DCLK1: variants seen among roughly 807,000 people sequenced by gnomAD.
DCLK1 encodes serine/threonine-protein kinase DCLK1.
Under a neutral mutation model 86.2 loss-of-function variants are expected in DCLK1, and 16 were observed. The observed-to-expected ratio is 0.19, with a 90% CI of 0.13 to 0.28. The LOEUF is 0.28. Ranked by LOEUF, DCLK1 falls within the 10% of genes least tolerant of loss-of-function variation. The pLI is 1.00. For missense variants in DCLK1, 590 were observed against 940.2 expected (o/e 0.63, Z 4.87); for synonymous variants, 369 against 370.5 (o/e 1.00, Z 0.05).
intron 3 of DCLK1, among the ~76,000 whole-genome samples, chr13:36,065,690 T>A (rs988156052): frequency 3.9e-5 from 6 of 151,922 alleles, no homozygotes; most frequent in African/African-American, 7.2e-5. Flanking sequence ...TAAAATAAGG[T>A]CAGCTAGAGA....
At chr13:35,822,322 T>TAA (rs113385223) in intron 11 of DCLK1, among the ~76,000 whole-genome samples, 13 of 145,686 alleles carry the variant, frequency 8.9e-5, no homozygotes, top group South Asian at 2.2e-4. Flanking sequence ...TCCGGCTAAT[T>TAA]AAAAAAAATT....
At chr13:35,968,047 TA>T (rs574334200) in intron 3 of DCLK1, among the ~76,000 whole-genome samples, 40 of 145,852 alleles carry the variant, frequency 2.7e-4, no homozygotes, top group East Asian at 2.4e-3. Context: ...AAATAAAATT[TA>T]AAAAAAAAAA....
At chr13:36,120,263 A>G (rs998088916) in intron 2 of DCLK1, among the ~76,000 whole-genome samples, 2 of 152,214 alleles carry the variant, frequency 1.3e-5, no homozygotes, top group Non-Finnish European at 2.9e-5. Context: ...ACGGCAAAAA[A>G]CACAATAAAT....
At chr13:36,039,055 C>T (rs1882608389) in intron 3 of DCLK1, among the ~76,000 whole-genome samples, 1 of 152,162 alleles carries the variant, frequency 6.6e-6, no homozygotes, top group Admixed American at 6.5e-5. Flanking sequence ...AATGAAGAAT[C>T]CTATCAAATG....
intron 2 of DCLK1, among the ~76,000 whole-genome samples, chr13:36,120,977 T>C (rs904062596): frequency 6.6e-6 from 1 of 152,214 alleles, no homozygotes; most frequent in African/African-American, 2.4e-5. Context: ...ACTTTAATGC[T>C]TGTACCTCTC....
chr13:36,067,320 C>A (rs1262282106), intron 3 of DCLK1, among the ~76,000 whole-genome samples: 4 of 148,358 alleles, frequency 2.7e-5, no homozygotes, highest in Non-Finnish European at 4.5e-5. Flanking sequence ...AAAAAACCAA[C>A]CACCACATGT....
chr13:36,128,648 T>C (rs1291742550), intron 1 of DCLK1, among the ~76,000 whole-genome samples: 2 of 152,184 alleles, frequency 1.3e-5, no homozygotes, highest in Non-Finnish European at 2.9e-5. Flanking sequence ...GATTTAAACC[T>C]GGAGTGTTAA....
chr13:36,123,662 G>C (rs149301321), intron 2 of DCLK1, among the ~76,000 whole-genome samples: 1 of 152,308 alleles, frequency 6.6e-6, no homozygotes, highest in African/African-American at 2.4e-5. Flanking sequence ...TAACCACACT[G>C]TACCTTCCTT....
intron 4 of DCLK1, among the ~76,000 whole-genome samples, chr13:35,911,210 C>T (rs891328486): frequency 4.0e-5 from 6 of 150,480 alleles, no homozygotes; most frequent in African/African-American, 1.5e-4. Flanking sequence ...AGGAGAATGG[C>T]GTGAACCCCG....
intron 3 of DCLK1, among the ~76,000 whole-genome samples, chr13:36,007,483 G>A (rs534953125): frequency 9.3e-4 from 142 of 152,288 alleles, no homozygotes; most frequent in African/African-American, 3.3e-3. Flanking sequence ...TTCCCTTGGA[G>A]AATCCTCAAA....
chr13:35,838,065 C>CAAAAAAAAAAAAAAAAAAA (rs748395648), intron 7 of DCLK1, among the ~76,000 whole-genome samples: 18 of 100,318 alleles, frequency 1.8e-4, no homozygotes, highest in East Asian at 5.6e-4. Context: ...GACTCCATCT[C>CAAAAAAAAAAAAAAAAAAA]AAAAAAAAAA....
At chr13:36,069,289 T>A (rs1205522604) in intron 3 of DCLK1, among the ~76,000 whole-genome samples, 1 of 152,152 alleles carries the variant, frequency 6.6e-6, no homozygotes, top group East Asian at 1.9e-4. Context: ...ACAGTCCTCT[T>A]CCTGAATCCA....
intron 16 of DCLK1, chr13:35,787,718 T>A (rs2086648640): frequency 6.3e-6 from 1 of 158,740 alleles, no homozygotes; most frequent in Admixed American, 6.5e-5. Flanking sequence ...ACACAATGCA[T>A]TCTATAGCCC....
chr13:35,855,473 C>CTT, intron 5 of DCLK1: 1 of 1,578,372 alleles, frequency 6.3e-7, no homozygotes. Flanking sequence ...AAAATAAATG[C>CTT]TTTCCACAAG....
intron 3 of DCLK1, among the ~76,000 whole-genome samples, chr13:36,092,918 C>T (rs1418544262): frequency 2.0e-5 from 3 of 150,970 alleles, no homozygotes; most frequent in Admixed American, 6.6e-5. Context: ...CCAGGCTGCA[C>T]AAAATAGGTA....
Position 35,771,611 on chromosome 13 carries a change from G to A in DCLK1, c.*2924C>T, listed in dbSNP as rs938713924. 6.6e-6 allele frequency: 1 copy of A among 152,058 alleles called. No homozygotes were observed. The highest frequency in any genetic ancestry group is 1.5e-5 in the Non-Finnish European group (1 of 68,014). The allele number at this position is 152,058 out of a possible 1,614,324, so 9.4% of individuals were successfully genotyped here. On this transcript the variant is annotated 3_prime_UTR_variant, in exon 17 of 17. Transcript: ENST00000360631. The stretch of plus-strand genomic sequence containing the variant: ...TAATGAAAGAGTTCTTCCTTAACTA[G>A]TCTACTATCAAACTGAAAAGATGAA...
At chr13:36,108,639 C>T (rs1885493872) in intron 3 of DCLK1, among the ~76,000 whole-genome samples, 1 of 152,220 alleles carries the variant, frequency 6.6e-6, no homozygotes, top group Non-Finnish European at 1.5e-5. Flanking sequence ...TGCCCCAAGG[C>T]AATCTACAAA....
chr13:36,073,910 G>T (rs921836457), intron 3 of DCLK1, among the ~76,000 whole-genome samples: 1 of 152,060 alleles, frequency 6.6e-6, no homozygotes, highest in Non-Finnish European at 1.5e-5. Context: ...TTCAAAAATC[G>T]GTATAACTCA....
At chr13:35,911,415 C>G (rs745956217) in intron 4 of DCLK1, among the ~76,000 whole-genome samples, 9 of 152,136 alleles carry the variant, frequency 5.9e-5, no homozygotes, top group Non-Finnish European at 1.5e-5. Context: ...GTCTGCCCAC[C>G]ACCACAGGAC....
Sources: gnomAD v4.1 joint callset for allele counts (sites outside exome capture counted in the v4.1 genomes callset) on GRCh38, gnomAD v4.1.1 for gene constraint, MANE v1.5 for transcripts, NCBI Gene and HGNC (gene_info 2026-07-23, HGNC 2026-07-21) for gene names.